The following GALNT13 variants were observed in gnomAD, a reference collection of about 807,000 sequenced individuals.
The protein encoded by GALNT13 is polypeptide N-acetylgalactosaminyltransferase 13, also known as UDP-GalNAc:polypeptide N-acetylgalactosaminyltransferase 13.
GALNT13 carries 28 observed loss-of-function variants against 64.2 expected under a neutral mutation model. The ratio of observed to expected loss-of-function variants is 0.44; its 90% CI spans 0.32 to 0.60. GALNT13 has a LOEUF of 0.60. GALNT13 is among the 20% of genes least tolerant of loss of function. The pLI is 0.05. For synonymous variants in GALNT13, 214 were observed against 224.6 expected (o/e 0.95, Z 0.42); for missense variants, 577 against 669.8 (o/e 0.86, Z 1.53).
chr2:153,253,836 A>T, the GALNT13 span, among the ~76,000 whole-genome samples: 1 of 152,098 alleles, frequency 6.6e-6, no homozygotes, highest in South Asian at 2.1e-4. Flanking sequence ...ATCATGGTGG[A>T]TAAGTTTTTG....
intron 1 of GALNT13, among the ~76,000 whole-genome samples, chr2:153,878,965 T>A (rs1686582774): frequency 6.6e-6 from 1 of 152,178 alleles, no homozygotes; most frequent in South Asian, 2.1e-4. Context: ...ACCTTGAGTT[T>A]ATTTATTCAT....
the GALNT13 span, among the ~76,000 whole-genome samples, chr2:153,259,474 G>T: frequency 6.6e-6 from 1 of 151,750 alleles, no homozygotes; most frequent in East Asian, 1.9e-4. Flanking sequence ...ATATGGTTTG[G>T]CTGTGTCCCC....
At chr2:153,762,514 TA>T in the GALNT13 span, 1 of 167,916 alleles carries the variant, frequency 6.0e-6, no homozygotes, top group African/African-American at 2.4e-5. Context: ...GAAATCTGTT[TA>T]AACTTCTCTC....
chr2:154,422,361 G>C (rs1458501711), intron 11 of GALNT13, among the ~76,000 whole-genome samples: 1 of 152,124 alleles, frequency 6.6e-6, no homozygotes, highest in Non-Finnish European at 1.5e-5. Context: ...GCAGACTGTA[G>C]AAACTTTTTC....
the GALNT13 span, among the ~76,000 whole-genome samples, chr2:153,817,279 C>T: frequency 6.6e-6 from 1 of 152,206 alleles, no homozygotes; most frequent in African/African-American, 2.4e-5. Flanking sequence ...AGACTCTTTG[C>T]TTGGCCAAAC....
chr2:153,655,831 G>A, the GALNT13 span, among the ~76,000 whole-genome samples: 1 of 152,180 alleles, frequency 6.6e-6, no homozygotes, highest in East Asian at 1.9e-4. Context: ...TATTGCTTGG[G>A]AGGGGAAGAG....
At chr2:153,187,935 A>C in the GALNT13 span, among the ~76,000 whole-genome samples, 31 of 152,270 alleles carry the variant, frequency 2.0e-4, no homozygotes, top group Non-Finnish European at 2.9e-5. Flanking sequence ...AACATTGAAA[A>C]TTAATTAATG....
intron 4 of GALNT13, among the ~76,000 whole-genome samples, chr2:154,205,377 A>G (rs776483643): frequency 3.3e-5 from 5 of 152,218 alleles, no homozygotes; most frequent in Non-Finnish European, 7.3e-5. Context: ...GGTACTGAGC[A>G]ATTGAAATGT....
At chr2:153,473,564 G>T in the GALNT13 span, among the ~76,000 whole-genome samples, 1 of 152,184 alleles carries the variant, frequency 6.6e-6, no homozygotes, top group Admixed American at 6.5e-5. Context: ...GAGCTATTGT[G>T]CATAGGTCTA....
the GALNT13 span, among the ~76,000 whole-genome samples, chr2:153,829,024 C>A: frequency 6.6e-6 from 1 of 152,186 alleles, no homozygotes; most frequent in Non-Finnish European, 1.5e-5. Context: ...CCAACAAGTT[C>A]CTCATCTCCA....
the GALNT13 span, among the ~76,000 whole-genome samples, chr2:153,552,927 A>G: frequency 6.6e-6 from 1 of 152,064 alleles, no homozygotes; most frequent in South Asian, 2.1e-4. Flanking sequence ...ATCTGACAGG[A>G]GGTGGAAGCT....
the GALNT13 span, among the ~76,000 whole-genome samples, chr2:153,632,302 C>T: frequency 3.3e-5 from 5 of 152,308 alleles, no homozygotes; most frequent in Middle Eastern, 6.8e-3. Flanking sequence ...TGAGTTTCCC[C>T]ATTACTAACA....
the GALNT13 span, among the ~76,000 whole-genome samples, chr2:153,634,539 A>C: frequency 7.6e-5 from 11 of 144,900 alleles, no homozygotes; most frequent in Non-Finnish European, 1.7e-4. Context: ...AAAAGATGGA[A>C]ATCTTTTTTT....
chr2:153,661,153 C>G, the GALNT13 span, among the ~76,000 whole-genome samples: 1 of 151,944 alleles, frequency 6.6e-6, no homozygotes, highest in African/African-American at 2.4e-5. Context: ...GTAATCCTGT[C>G]CAATTCACTT....
chr2:154,404,541 C>T (rs1162410924), intron 10 of GALNT13, among the ~76,000 whole-genome samples: 3 of 152,128 alleles, frequency 2.0e-5, no homozygotes, highest in Admixed American at 1.3e-4. Context: ...GTCAGGATAA[C>T]ACCCAATTTT....
chr2:153,585,568 G>A, the GALNT13 span, among the ~76,000 whole-genome samples: 2 of 152,120 alleles, frequency 1.3e-5, no homozygotes, highest in Non-Finnish European at 2.9e-5. Flanking sequence ...TCTACATACA[G>A]GGAGCTCAAT....
At chr2:153,394,395 A>G in the GALNT13 span, among the ~76,000 whole-genome samples, 1 of 152,126 alleles carries the variant, frequency 6.6e-6, no homozygotes, top group Non-Finnish European at 1.5e-5. Flanking sequence ...CATTCTAAGA[A>G]TTTAAATTGG....
the GALNT13 span, among the ~76,000 whole-genome samples, chr2:153,645,499 T>C: frequency 6.6e-6 from 1 of 152,140 alleles, no homozygotes; most frequent in Admixed American, 6.6e-5. Flanking sequence ...ATATATTTCT[T>C]TTGGCTTAGA....
At chr2:153,821,294 C>T in the GALNT13 span, among the ~76,000 whole-genome samples, 3 of 152,170 alleles carry the variant, frequency 2.0e-5, no homozygotes, top group African/African-American at 4.8e-5. Flanking sequence ...ATACATTCTT[C>T]TCATCTGCAC....
Sources: gnomAD v4.1 joint callset for allele counts (sites outside exome capture counted in the v4.1 genomes callset) on GRCh38, gnomAD v4.1.1 for gene constraint, MANE v1.5 for transcripts, NCBI Gene and HGNC (gene_info 2026-07-23, HGNC 2026-07-21) for gene names.